AHRR: variants seen among roughly 807,000 people sequenced by gnomAD.
The protein encoded by AHRR is ahR repressor.
A neutral mutation model predicts 44.0 loss-of-function variants in AHRR; 28 were observed. That is an observed-to-expected ratio of 0.64 (90% confidence interval 0.47 to 0.87). The LOEUF is 0.87. AHRR is among the 40% of genes least tolerant of loss of function. The pLI, the probability that AHRR is intolerant of heterozygous loss-of-function variation, is 0.00. For synonymous variants in AHRR, 434 were observed against 407.0 expected, an observed-to-expected ratio of 1.07 and a Z score of -0.80; for missense variants, 990 against 953.9, an observed-to-expected ratio of 1.04 and a Z score of -0.50.
chr5:373,845 G>A (rs1338309515), intron 3 of AHRR, among the ~76,000 whole-genome samples: 1 of 150,866 alleles, frequency 6.6e-6, no homozygotes, highest in Non-Finnish European at 1.5e-5. Context: ...GCCCTGCCCG[G>A]GCGGGCGGGG....
In AHRR at chr5:436,199, CTGCACTG is replaced by C. The variant is rs1737041574; in HGVS notation, c.*1370_*1376del. 1 of 152,512 alleles carries C rather than the reference CTGCACTG, an allele frequency of 6.6e-6. No individual in the cohort carries two copies. The highest frequency in any genetic ancestry group is 2.4e-5 in the African/African-American group (1 of 41,152). The allele number at this position is 152,512 out of a possible 1,614,324, so 9.4% of individuals were successfully genotyped here. ...CATGGGTGAGGGACCCACCACCCCGCTGCACTGTGCATTGTGCCTCCCGTGTGGACGC... is the reference window on the plus strand; with the variant it reads ...CATGGGTGAGGGACCCACCACCCCGCTGCATTGTGCCTCCCGTGTGGACGC... On this transcript the variant is annotated 3_prime_UTR_variant, in exon 11 of 11. Transcript: ENST00000684583.
intron 1 of AHRR, among the ~76,000 whole-genome samples, chr5:336,909 GCCTTGCTT>G (rs1742157329): frequency 1.3e-5 from 2 of 151,998 alleles, no homozygotes; most frequent in South Asian, 4.1e-4. Context: ...TAGAGACAAG[GCCTTGCTT>G]GCTACCTTGC....
rs903350880 is a variant in AHRR at position 388,247 on chromosome 5, G to A, written c.351+11531G>A. On this transcript the variant is annotated intron_variant, in intron 4 of 10. Transcript: ENST00000684583. This position sits in a 1 kb window ranked among gnomAD's most constrained non-coding sequence, Gnocchi z 5.2. ...CTCAGGTTGGAAGAGCTCAGGGTTG[G>A]GGCAGAAACTCAGGCCTCCCCCCGT... Among the ~76,000 whole-genome samples, 1 of 152,164 alleles carries A rather than the reference G, an allele frequency of 6.6e-6. No homozygotes were observed. Among genetic ancestry groups the A allele is most frequent in the Non-Finnish European group, 1.5e-5 (1 of 68,018 alleles).
intron 1 of AHRR, among the ~76,000 whole-genome samples, chr5:341,046 G>T (rs1033329364): frequency 5.5e-5 from 8 of 146,172 alleles, no homozygotes; most frequent in Non-Finnish European, 9.0e-5. Flanking sequence ...GCCAAATCTC[G>T]CTATGTCGCC....
At chr5:341,251 G>A (rs1383605053) in intron 1 of AHRR, among the ~76,000 whole-genome samples, 1 of 152,020 alleles carries the variant, frequency 6.6e-6, no homozygotes. Context: ...CTAACCTCAG[G>A]TGATCCACCT....
At chr5:380,458 A>G (rs1012770265) in intron 4 of AHRR, among the ~76,000 whole-genome samples, 1 of 152,194 alleles carries the variant, frequency 6.6e-6, no homozygotes, top group Admixed American at 6.5e-5. Context: ...CTCCCAATCC[A>G]TGAACATGGT....
intron 4 of AHRR, among the ~76,000 whole-genome samples, chr5:399,694 C>T (rs925574573): frequency 1.2e-4 from 19 of 152,208 alleles, no homozygotes; most frequent in Non-Finnish European, 1.8e-4. Context: ...TGGCTGGTCT[C>T]TCAGCCAGAA....
chr5:396,063 G>A (rs1463297667), intron 4 of AHRR, among the ~76,000 whole-genome samples: 4 of 152,202 alleles, frequency 2.6e-5, no homozygotes, highest in African/African-American at 4.8e-5. Flanking sequence ...CCGGGGAAAC[G>A]AGCCCGGGAG....
At chr5:344,143 G>A (rs1226358287) in intron 2 of AHRR, among the ~76,000 whole-genome samples, 179 bp downstream of exon 2, 1 of 151,350 alleles carries the variant, frequency 6.6e-6, no homozygotes, top group African/African-American at 2.4e-5. Context: ...GCAGCGCCCC[G>A]GTGCCCGGAG....
intron 3 of AHRR, among the ~76,000 whole-genome samples, chr5:359,431 A>G (rs7724374): frequency 0.68 from 82,467 of 120,844 alleles, 30,139 homozygotes; most frequent in African/African-American, 0.76. Flanking sequence ...CAGGCCTGGC[A>G]TGTGGCTGTG....
At chr5:346,323 T>G (rs1253870945) in intron 2 of AHRR, among the ~76,000 whole-genome samples, 1 of 152,182 alleles carries the variant, frequency 6.6e-6, no homozygotes, top group Non-Finnish European at 1.5e-5. Flanking sequence ...CTCTGAGTTT[T>G]GAAATAGGTG....
intron 1 of AHRR, among the ~76,000 whole-genome samples, chr5:329,522 A>G (rs901762569): frequency 8.5e-5 from 13 of 152,112 alleles, no homozygotes; most frequent in African/African-American, 3.1e-4. Flanking sequence ...TGTTTTTTCT[A>G]ATTCTGTGAA....
intron 5 of AHRR, among the ~76,000 whole-genome samples, chr5:415,730 G>GCCGAGTCTGC (rs1560916547): frequency 6.6e-6 from 1 of 152,104 alleles, no homozygotes; most frequent in Non-Finnish European, 1.5e-5. Flanking sequence ...AGGCCTAGGG[G>GCCGAGTCTGC]CTGTGCAGAG....
chr5:322,764 C>T (rs1741543608), intron 1 of AHRR: 1 of 152,240 alleles, frequency 6.6e-6, no homozygotes, highest in Non-Finnish European at 1.5e-5. Context: ...CTCGATGCGG[C>T]CCCAGAGTCG....
chr5:433,847 CT>C lies in AHRR; in HGVS notation c.1113-5del, dbSNP rs753964750. ...CTGTCAAATGGGCCCCGTCTTTTCT[CT>C]GCAGGGACAGGGAGGAGGAGCAGCA... On this transcript the variant is annotated splice_region_variant and splice_polypyrimidine_tract_variant and intron_variant, in intron 10 of 10. Coordinates refer to ENST00000684583, the MANE Select transcript of AHRR (RefSeq NM_001377236.1). 1 of 1,489,172 alleles carries C rather than the reference CT, an allele frequency of 6.7e-7. No individual in the cohort carries two copies. Among genetic ancestry groups the C allele is most frequent in the Non-Finnish European group, 8.9e-7 (1 of 1,122,362 alleles). The allele number at this position is 1,489,172 out of a possible 1,614,324, so 92.2% of individuals were successfully genotyped here.
intron 3 of AHRR, among the ~76,000 whole-genome samples, chr5:355,824 G>A (rs935136207): frequency 2.0e-5 from 3 of 152,348 alleles, no homozygotes; most frequent in Non-Finnish European, 4.4e-5. Flanking sequence ...AGGGGCCACC[G>A]GCTTACGAGA....
intron 4 of AHRR, among the ~76,000 whole-genome samples, chr5:390,648 G>A (rs1456994735): frequency 6.6e-6 from 1 of 152,168 alleles, no homozygotes; most frequent in Non-Finnish European, 1.5e-5. Context: ...TCGGAGGGCA[G>A]GGAGTCTTCA....
intron 4 of AHRR, among the ~76,000 whole-genome samples, chr5:382,597 C>T (rs982210195): frequency 3.3e-5 from 5 of 151,918 alleles, no homozygotes; most frequent in African/African-American, 1.2e-4. Context: ...AAAGAAGCAG[C>T]TATTGGTTTT....
Position 404,162 on chromosome 5 carries a change from T to C in AHRR, c.352-9182T>C, listed in dbSNP as rs909856697. The C allele has an allele frequency of 1.9e-6, 1 of 534,872 alleles. No individual in the cohort carries two copies. Among genetic ancestry groups the C allele is most frequent in the African/African-American group, 1.9e-5 (1 of 52,380 alleles). The allele number at this position is 534,872 out of a possible 1,614,324, so 33.1% of individuals were successfully genotyped here. On this transcript the variant is annotated intron_variant, in intron 4 of 10. Coordinates refer to ENST00000684583, the MANE Select transcript of AHRR (RefSeq NM_001377236.1). The surrounding 1 kb of genome is among the most constrained non-coding windows in gnomAD (Gnocchi z 4.1). The stretch of plus-strand genomic sequence containing the variant: ...CTCAGCCTCAGCCGTTCCTGGTGGG[T>C]CTGCATTCCTGTCACGAGCTGGTCT...
Sources: allele counts gnomAD v4.1 joint callset (sites outside exome capture counted in the v4.1 genomes callset), GRCh38; gene constraint gnomAD v4.1.1; non-coding constraint Gnocchi (gnomAD v3.1); transcripts MANE v1.5; gene names NCBI Gene and HGNC (gene_info 2026-07-23, HGNC 2026-07-21).